Variants in SPPL2A observed in about 807,000 individuals in gnomAD.
The protein encoded by SPPL2A is signal peptide peptidase-like 2A.
A neutral mutation model predicts 63.8 loss-of-function variants in SPPL2A; 51 were observed. The ratio of observed to expected loss-of-function variants is 0.80; its 90% CI spans 0.64 to 1.01. The LOEUF is 1.01. Among genes scored for constraint, SPPL2A ranks in the 50% least tolerant of loss-of-function variants. The probability of loss-of-function intolerance (pLI) is 0.00; values close to 1 mark genes in which losing one functional copy is unlikely to be tolerated. For missense variants in SPPL2A, 553 were observed against 622.7 expected, an observed-to-expected ratio of 0.89 and a Z score of 1.19; for synonymous variants, 188 against 205.8, an observed-to-expected ratio of 0.91 and a Z score of 0.74.
chr15:50,738,196 A>G (rs1185647287), intron 6 of SPPL2A, among the ~76,000 whole-genome samples: 1 of 151,150 alleles, frequency 6.6e-6, no homozygotes, highest in Non-Finnish European at 1.5e-5. Context: ...TGTCTCAAAA[A>G]AAAAGATATC....
At chr15:50,740,591 T>A (rs950492894) in intron 5 of SPPL2A, among the ~76,000 whole-genome samples, 3 of 152,002 alleles carry the variant, frequency 2.0e-5, no homozygotes, top group African/African-American at 7.2e-5. Context: ...AACTTACAGA[T>A]AGTAAAGTAC....
chr15:50,754,412 G>A (rs2062936727), intron 1 of SPPL2A, among the ~76,000 whole-genome samples: 1 of 152,112 alleles, frequency 6.6e-6, no homozygotes, highest in Non-Finnish European at 1.5e-5. Flanking sequence ...AAATTCCTCA[G>A]TGCTCTACCT....
At chr15:50,714,048 G>A (rs1330563924) in intron 14 of SPPL2A, among the ~76,000 whole-genome samples, 8 of 152,118 alleles carry the variant, frequency 5.3e-5, no homozygotes, top group African/African-American at 1.9e-4. Context: ...TCAAATTTAG[G>A]CAGCCTGGTA....
chr15:50,765,155 T>C (rs992792965), intron 1 of SPPL2A, among the ~76,000 whole-genome samples: 2 of 151,908 alleles, frequency 1.3e-5, no homozygotes, highest in African/African-American at 4.8e-5. Flanking sequence ...AGTGAGCAAC[T>C]ATCGAGAAGC....
rs557005766 is a variant in SPPL2A at position 50,712,289 on chromosome 15, C to T, written c.1489-4415G>A. 2.2e-4 allele frequency among the ~76,000 whole-genome samples: 33 copies of T among 152,244 alleles called. No individual in the cohort carries two copies. In the South Asian group the frequency reaches 3.9e-3, roughly 18 times the overall value. ...AAGGTAAATGTGATTTTAATTGGAG[C>T]GCCTACTTCCTTCTAATTTCTTAGA... On this transcript the variant is annotated intron_variant, in intron 14 of 14. Transcript: ENST00000261854.
chr15:50,764,152 C>T (rs1337407108), intron 1 of SPPL2A, among the ~76,000 whole-genome samples: 2 of 152,176 alleles, frequency 1.3e-5, no homozygotes, highest in Non-Finnish European at 2.9e-5. Flanking sequence ...ATGTGATATT[C>T]ATTCTTAAAA....
chr15:50,736,855 G>A (rs1271891114), intron 6 of SPPL2A, 115 bp from the exon 7 acceptor site: 1 of 558,446 alleles, frequency 1.8e-6, no homozygotes, highest in African/African-American at 1.9e-5. Flanking sequence ...TTCCAATGAA[G>A]TGACTATACG....
chr15:50,734,417 G>A lies in SPPL2A; in HGVS notation c.932+1684C>T, dbSNP rs547886928. On this transcript the variant is annotated intron_variant, in intron 8 of 14. Transcript: ENST00000261854. ...AAGTGAAATAAGCCAAGCACGGAAA[G>A]ACAAATATTGCATGTTCTCACTCAT... 5.3e-5 allele frequency among the ~76,000 whole-genome samples: 8 copies of A among 152,256 alleles called. No individual in the cohort carries two copies. The South Asian group carries it at 1.7e-3, about 32-fold the overall frequency.
chr15:50,711,358 C>T (rs1328624160), intron 14 of SPPL2A, among the ~76,000 whole-genome samples: 7 of 151,718 alleles, frequency 4.6e-5, no homozygotes, highest in African/African-American at 1.7e-4. Flanking sequence ...TACAGGCACA[C>T]GCCACCACGC....
intron 14 of SPPL2A, among the ~76,000 whole-genome samples, chr15:50,708,433 C>T (rs1362490674): frequency 6.6e-6 from 1 of 152,076 alleles, no homozygotes; most frequent in Non-Finnish European, 1.5e-5. Flanking sequence ...CTAGGCCGGG[C>T]GCAGTGGCTC....
intron 13 of SPPL2A, among the ~76,000 whole-genome samples, chr15:50,720,535 T>C (rs978574378): frequency 3.3e-5 from 5 of 151,066 alleles, no homozygotes; most frequent in African/African-American, 7.3e-5. Context: ...TTTTTTTTTT[T>C]CGAAATGGAG....
At chr15:50,759,052 C>T (rs2062986757) in intron 1 of SPPL2A, among the ~76,000 whole-genome samples, 1 of 152,050 alleles carries the variant, frequency 6.6e-6, no homozygotes, top group African/African-American at 2.4e-5. Flanking sequence ...AGGCATGATC[C>T]ACTGTACCCG....
At chr15:50,755,739 C>T (rs988433543) in intron 1 of SPPL2A, among the ~76,000 whole-genome samples, 2 of 151,526 alleles carry the variant, frequency 1.3e-5, no homozygotes, top group African/African-American at 4.9e-5. Context: ...TTTTAACAAG[C>T]CCTTCTGGAG....
At chr15:50,725,008 T>G (rs746344522) in intron 12 of SPPL2A, among the ~76,000 whole-genome samples, 4 of 152,212 alleles carry the variant, frequency 2.6e-5, no homozygotes, top group Non-Finnish European at 5.9e-5. Context: ...AACAAACTTT[T>G]TGAGCCATGG....
chr15:50,709,228 G>A (rs2062537911), intron 14 of SPPL2A, among the ~76,000 whole-genome samples: 1 of 152,010 alleles, frequency 6.6e-6, no homozygotes, highest in African/African-American at 2.4e-5. Context: ...TGTGAAGACT[G>A]TTAAAGACTT....
chr15:50,730,370 A>T (rs891773830), intron 10 of SPPL2A, among the ~76,000 whole-genome samples: 1 of 152,096 alleles, frequency 6.6e-6, no homozygotes, highest in Admixed American at 6.6e-5. Flanking sequence ...CCCTGAGTCT[A>T]GTTTCTCTTG....
rs554139729 is a variant in SPPL2A, at chr15:50,710,392, C to T, written c.1489-2518G>A. Among the ~76,000 whole-genome samples the T allele has an allele frequency of 2.6e-5, 4 of 152,286 alleles. No individual in the cohort carries two copies. In the South Asian group the frequency reaches 8.3e-4, roughly 32 times the overall value. ...AGAAATATATTAATTAAAAAAACCA[C>T]TTTCAAAGTCAACTTATTGAGAAGT... is the stretch of plus-strand genomic sequence containing the variant. On this transcript the variant is annotated intron_variant, in intron 14 of 14. Transcript: ENST00000261854.
chr15:50,709,588 G>A (rs536030215), intron 14 of SPPL2A, among the ~76,000 whole-genome samples: 20 of 152,116 alleles, frequency 1.3e-4, no homozygotes, highest in African/African-American at 4.6e-4. Context: ...TCAGGAGTTC[G>A]GGACCAGCCT....
intron 4 of SPPL2A, 146 bp downstream of exon 4, chr15:50,747,967 G>C: frequency 2.2e-6 from 1 of 465,002 alleles, no homozygotes; most frequent in Non-Finnish European, 3.8e-6. Context: ...TGAGAGATGA[G>C]TACTTTCCAA....
Sources: allele counts gnomAD v4.1 joint callset (sites outside exome capture counted in the v4.1 genomes callset), GRCh38; gene constraint gnomAD v4.1.1; transcripts MANE v1.5; gene names NCBI Gene and HGNC (gene_info 2026-07-23, HGNC 2026-07-21).